FAM117B: variants seen among roughly 807,000 people sequenced by gnomAD.
FAM117B encodes protein FAM117B.
In FAM117B, 22 loss-of-function variants were observed where a neutral mutation model predicts 52.8. The ratio of observed to expected loss-of-function variants is 0.42; its 90% CI spans 0.30 to 0.59. The LOEUF is 0.59. Ranked by LOEUF, FAM117B falls within the 20% of genes least tolerant of loss-of-function variation. The pLI is 0.22. For missense variants in FAM117B, 678 were observed against 802.6 expected (o/e 0.84, Z 1.88); for synonymous variants, 309 against 324.1 (o/e 0.95, Z 0.50).
intron 1 of FAM117B, among the ~76,000 whole-genome samples, chr2:202,657,518 G>A (rs1690071382): frequency 6.6e-6 from 1 of 151,920 alleles, no homozygotes; most frequent in Non-Finnish European, 1.5e-5. Flanking sequence ...ACAGGGTCTT[G>A]CTCTGTTGCC....
chr2:202,731,736 T>C (rs1486965545), intron 4 of FAM117B, among the ~76,000 whole-genome samples: 7 of 151,500 alleles, frequency 4.6e-5, no homozygotes, highest in Non-Finnish European at 8.8e-5. Flanking sequence ...AGCCTACTTT[T>C]TTTTGTTTGT....
rs71030981 is a variant in FAM117B at position 202,659,604 on chromosome 2, C to CTTTTT, written c.601+23842_601+23846dup. Among the ~76,000 whole-genome samples, 290 of 62,304 alleles carry CTTTTT rather than the reference C, an allele frequency of 4.7e-3. 59 individuals carry two copies. The highest frequency in any genetic ancestry group is 7.1e-3 in the Non-Finnish European group (238 of 33,492). The allele number at this position is 62,304 out of a possible 152,430, so 40.9% of individuals were successfully genotyped here. A position where few individuals can be genotyped will look rare whatever the true frequency, so the allele number is the denominator to read the frequency against. On this transcript the variant is annotated intron_variant, in intron 1 of 7. Coordinates refer to ENST00000392238, the MANE Select transcript of FAM117B (RefSeq NM_173511.4). ...GAGATTACAGACGTGAGCCACCGTG[C>CTTTTT]TTTTTTTTTTTTTTTTTTTTTTTTT...
At chr2:202,736,324 G>C (rs976549090) in intron 4 of FAM117B, among the ~76,000 whole-genome samples, 1 of 152,154 alleles carries the variant, frequency 6.6e-6, no homozygotes, top group African/African-American at 2.4e-5. Flanking sequence ...CAGATGAGAG[G>C]ACAGTGATTG....
At chr2:202,754,715 C>T (rs1276092021) in intron 4 of FAM117B, among the ~76,000 whole-genome samples, 2 of 151,172 alleles carry the variant, frequency 1.3e-5, no homozygotes, top group Non-Finnish European at 2.9e-5. Context: ...GGTGAAACCC[C>T]GTCTCTACTA....
chr2:202,758,897 C>T (rs140571044), intron 6 of FAM117B, among the ~76,000 whole-genome samples: 137 of 152,300 alleles, frequency 9.0e-4, no homozygotes, highest in African/African-American at 2.7e-3. Flanking sequence ...TAGTCATCAG[C>T]AACCAATGAA....
chr2:202,734,348 C>T (rs1691406539), intron 4 of FAM117B, among the ~76,000 whole-genome samples: 1 of 152,006 alleles, frequency 6.6e-6, no homozygotes, highest in South Asian at 2.1e-4. Context: ...ATAATGAGAC[C>T]CTGTCTCTTA....
intron 1 of FAM117B, among the ~76,000 whole-genome samples, chr2:202,671,468 A>C (rs541205800): frequency 1.3e-5 from 2 of 152,230 alleles, no homozygotes; most frequent in Non-Finnish European, 2.9e-5. Flanking sequence ...AATAACTCCC[A>C]GGCTCTCTTG....
chr2:202,752,960 T>G (rs538696309), intron 4 of FAM117B, among the ~76,000 whole-genome samples: 46 of 152,360 alleles, frequency 3.0e-4, no homozygotes, highest in African/African-American at 1.1e-3. Flanking sequence ...ATTTATAGAT[T>G]CAATGCTATT....
intron 4 of FAM117B, among the ~76,000 whole-genome samples, chr2:202,746,786 ATG>A (rs1311082497): frequency 6.6e-6 from 1 of 152,142 alleles, no homozygotes; most frequent in Non-Finnish European, 1.5e-5. Context: ...CCAGAACTAA[ATG>A]GTTTTACTGC....
intron 4 of FAM117B, among the ~76,000 whole-genome samples, chr2:202,735,998 G>T (rs941674306): frequency 6.6e-6 from 1 of 152,120 alleles, no homozygotes; most frequent in African/African-American, 2.4e-5. Flanking sequence ...AAGCAAGAAA[G>T]CCCTTCCATA....
intron 2 of FAM117B, among the ~76,000 whole-genome samples, chr2:202,703,698 C>G (rs1265280036): frequency 6.6e-6 from 1 of 152,160 alleles, no homozygotes; most frequent in Non-Finnish European, 1.5e-5. Context: ...TATCAATATA[C>G]CACATTTTGT....
At chr2:202,667,560 C>G (rs1485290712) in intron 1 of FAM117B, among the ~76,000 whole-genome samples, 1 of 152,022 alleles carries the variant, frequency 6.6e-6, no homozygotes, top group South Asian at 2.1e-4. Flanking sequence ...CCAATTATTA[C>G]AATGAAGGTG....
intron 2 of FAM117B, among the ~76,000 whole-genome samples, chr2:202,711,826 C>T (rs1356150767): frequency 6.6e-6 from 1 of 152,084 alleles, no homozygotes; most frequent in Non-Finnish European, 1.5e-5. Context: ...ATGTTCTTGG[C>T]ATCTTTGTCA....
intron 4 of FAM117B, among the ~76,000 whole-genome samples, chr2:202,746,330 T>C (rs763142262): frequency 2.6e-5 from 4 of 152,044 alleles, no homozygotes; most frequent in Non-Finnish European, 5.9e-5. Context: ...ACTGTGCAGA[T>C]ACATGGAAGT....
intron 1 of FAM117B, among the ~76,000 whole-genome samples, chr2:202,660,373 G>C (rs952435712): frequency 6.6e-6 from 1 of 151,956 alleles, no homozygotes; most frequent in African/African-American, 2.4e-5. Flanking sequence ...ACCTTCAGTG[G>C]GCTGTGGTTC....
intron 4 of FAM117B, among the ~76,000 whole-genome samples, chr2:202,751,594 C>G (rs1691722325): frequency 6.6e-6 from 1 of 151,788 alleles, no homozygotes; most frequent in Non-Finnish European, 1.5e-5. Context: ...GTTGCGAAAC[C>G]TCATCATCTC....
chr2:202,756,717 C>G (rs907639704), intron 5 of FAM117B, among the ~76,000 whole-genome samples: 3 of 152,070 alleles, frequency 2.0e-5, no homozygotes, highest in African/African-American at 7.2e-5. Context: ...TCCACACAGG[C>G]TTTCCTCTGT....
At chr2:202,707,668 C>T (rs1559106658) in intron 2 of FAM117B, among the ~76,000 whole-genome samples, 1 of 151,932 alleles carries the variant, frequency 6.6e-6, no homozygotes, top group Non-Finnish European at 1.5e-5. Flanking sequence ...GATCGTGCTA[C>T]TGTACTCCAG....
rs1689673323 is a variant in FAM117B at position 202,635,722 on chromosome 2, A to T, written c.535A>T (p.Arg179Trp). ...PPPARVRHRR[R>W]SPEQSRSSPE... ...CCCAGCCCGCGTCCGGCATCGGAGG[A>T]GGTCTCCGGAGCAGAGCCGAAGCTC... Residue 179 changes from arginine to tryptophan, a missense_variant, in exon 1 of 8, where the codon AGG (arginine) becomes TGG (tryptophan). By Grantham distance (101) the Arg-to-Trp change is moderately radical. Coordinates refer to ENST00000392238, the MANE Select transcript of FAM117B (RefSeq NM_173511.4). 4.2e-6 allele frequency: 6 copies of T among 1,441,604 alleles called. No individual in the cohort carries two copies. Among genetic ancestry groups the T allele is most frequent in the African/African-American group, 1.5e-5 (1 of 67,584 alleles). 89.3% of individuals were successfully genotyped at this position (1,441,604 alleles called of 1,614,324 possible).
Sources: gnomAD v4.1 joint callset for allele counts (sites outside exome capture counted in the v4.1 genomes callset) on GRCh38, gnomAD v4.1.1 for gene constraint, MANE v1.5 for transcripts, NCBI Gene and HGNC (gene_info 2026-07-23, HGNC 2026-07-21) for gene names.